Variants in TRIM66 observed in about 807,000 individuals in gnomAD.
The protein encoded by TRIM66 is tripartite motif containing 66, also known as tripartite motif-containing protein 66.
A neutral mutation model predicts 148.2 loss-of-function variants in TRIM66; 99 were observed. The observed-to-expected ratio is 0.67, with a 90% CI of 0.57 to 0.79. The LOEUF (loss-of-function observed/expected upper bound fraction) is 0.79. Ranked by LOEUF, TRIM66 falls within the 30% of genes least tolerant of loss-of-function variation. The pLI, the probability that TRIM66 is intolerant of heterozygous loss-of-function variation, is 0.00. For synonymous variants in TRIM66, 616 were observed against 635.9 expected (o/e 0.97, Z 0.47); for missense variants, 1,666 against 1,697.9 (o/e 0.98, Z 0.33).
At chr11:8,661,423 C>A (rs1474433479) in intron 6 of TRIM66, among the ~76,000 whole-genome samples, 1 of 152,374 alleles carries the variant, frequency 6.6e-6, no homozygotes, top group African/African-American at 2.4e-5. Flanking sequence ...CAGACCCTCA[C>A]TGACCGAGGT....
rs1304487861 is a variant in TRIM66 at position 8,616,281 on chromosome 11, A to G, written c.*1663T>C. The G allele has an allele frequency of 6.6e-6, 1 of 152,264 alleles. No individual in the cohort carries two copies. The highest frequency in any genetic ancestry group is 6.5e-5 in the Admixed American group (1 of 15,288). The allele number at this position is 152,264 out of a possible 1,614,324, so 9.4% of individuals were successfully genotyped here. On this transcript the variant is annotated 3_prime_UTR_variant, in exon 25 of 25. Coordinates refer to ENST00000646038, the MANE Select transcript of TRIM66 (RefSeq NM_001388022.1). Reference sequence around the variant, plus strand: ...AGGTTGGGTAGAGAAGGAAATGAGCAATACCATCAACTCACAAAGAGAGAA... The same window carrying G: ...AGGTTGGGTAGAGAAGGAAATGAGCGATACCATCAACTCACAAAGAGAGAA...
chr11:8,641,179 C>A, intron 13 of TRIM66, 27 bp from the exon 14 acceptor site: 1 of 1,526,574 alleles, frequency 6.6e-7, no homozygotes, highest in South Asian at 1.2e-5. Flanking sequence ...GAGAGTTTTT[C>A]AAAAGTTTTT....
chr11:8,623,207 G>A (rs976859961), intron 17 of TRIM66, among the ~76,000 whole-genome samples: 3 of 152,204 alleles, frequency 2.0e-5, no homozygotes, highest in African/African-American at 7.2e-5. Flanking sequence ...CACCAGTGTT[G>A]CCTCCTCTGA....
chr11:8,617,643 G>A lies in TRIM66; in HGVS notation c.*301C>T, dbSNP rs1275790053. The A allele has an allele frequency of 4.5e-5, 17 of 377,304 alleles. No individual in the cohort carries two copies. The highest frequency in any genetic ancestry group is 6.2e-5 in the Non-Finnish European group (13 of 211,130). 23.4% of individuals were successfully genotyped at this position (377,304 alleles called of 1,614,324 possible). A position where few individuals can be genotyped will look rare whatever the true frequency, so the allele number is the denominator to read the frequency against. ...CCCAGGCAGAAAAAAATTCACCAAG[G>A]AAAGTAGGTTTTCCCGAGCCTAACC... On this transcript the variant is annotated 3_prime_UTR_variant, in exon 25 of 25. Coordinates refer to ENST00000646038, the MANE Select transcript of TRIM66 (RefSeq NM_001388022.1).
rs1349305185 is a variant in TRIM66, at chr11:8,621,688, A to G, written c.3212T>C (p.Leu1071Pro). 1 of 1,550,428 alleles carries G rather than the reference A, an allele frequency of 6.4e-7. No homozygotes were observed. Among genetic ancestry groups the G allele is most frequent in the Non-Finnish European group, 8.7e-7 (1 of 1,146,488 alleles). ...GGACTCAGTGCCACACTCGATGATC[A>G]GCAGGAAGCTCCCATCCTGATCATT... ...QKNDQDGSFL[L>P]IIECGTESSS... is the part of the protein sequence containing the mutation. The change falls in exon 19 of 25, where the codon CTG (leucine) becomes CCG (proline). Residue 1071 changes from leucine (L) to proline (P), a missense_variant. Physicochemically the swap from Leu to Pro is moderately conservative, Grantham distance 98. Coordinates refer to ENST00000646038, the MANE Select transcript of TRIM66 (RefSeq NM_001388022.1).
At chr11:8,638,536 G>T (rs2036089490) in intron 15 of TRIM66, 118 bp downstream of exon 15, 4 of 1,133,198 alleles carry the variant, frequency 3.5e-6, no homozygotes, top group Non-Finnish European at 5.0e-6. Context: ...GGGCTGTGTA[G>T]CGTCCAGGGA....
chr11:8,621,245 G>T lies in TRIM66; in HGVS notation c.3332C>A (p.Ala1111Asp). Residue 1111 changes from alanine to aspartate, a missense_variant, in exon 20 of 25, where the codon GCT becomes GAT. Ala to Asp is a moderately radical substitution (Grantham distance 126). Transcript: ENST00000646038. ...EGRKVTVTSL[A>D]GQRPPEVEGT... ...CTCCACTTCTGGTGGCCGCTGCCCA[G>T]CCAAAGAAGTGACAGTGACCTTTCT... is the stretch of plus-strand genomic sequence containing the variant. The T allele has an allele frequency of 6.4e-7, 1 of 1,551,728 alleles. No individual in the cohort carries two copies. Among genetic ancestry groups the T allele is most frequent in the Non-Finnish European group, 8.7e-7 (1 of 1,146,992 alleles).
rs764157643 is a variant in TRIM66 at position 8,615,342 on chromosome 11, T to G, written c.*2602A>C. 2.6e-5 allele frequency: 4 copies of G among 152,194 alleles called. No homozygotes were observed. Among genetic ancestry groups the G allele is most frequent in the Non-Finnish European group, 4.4e-5 (3 of 68,036 alleles). 9.4% of individuals were successfully genotyped at this position (152,194 alleles called of 1,614,324 possible). A position where few individuals can be genotyped will look rare whatever the true frequency, so the allele number is the denominator to read the frequency against. On this transcript the variant is annotated 3_prime_UTR_variant, in exon 25 of 25. Transcript: ENST00000646038. ...TCAGCATACCCAAGAAGTCAATTTT[T>G]CCTCTAGGGCTGCATGCTGTCCCAT...
chr11:8,625,750 C>G (rs187791852), intron 15 of TRIM66, among the ~76,000 whole-genome samples: 1 of 152,172 alleles, frequency 6.6e-6, no homozygotes, highest in Non-Finnish European at 1.5e-5. Flanking sequence ...TGAGAAGGCT[C>G]AAACTCTTAT....
chr11:8,632,310 AAAATAAAT>A (rs1304707289), intron 15 of TRIM66, among the ~76,000 whole-genome samples: 1 of 152,142 alleles, frequency 6.6e-6, no homozygotes, highest in Non-Finnish European at 1.5e-5. Flanking sequence ...TTCATCTCAA[AAAATAAAT>A]AAATAAATAA....
chr11:8,618,100 G>T, intron 24 of TRIM66, 97 bp from the exon 25 acceptor site: 1 of 1,190,138 alleles, frequency 8.4e-7, no homozygotes, highest in Non-Finnish European at 1.2e-6. Context: ...CCAAGTCAAC[G>T]TATTTTATTC....
At chr11:8,657,017 C>T (rs1023236625) in intron 6 of TRIM66, among the ~76,000 whole-genome samples, 7 of 152,172 alleles carry the variant, frequency 4.6e-5, no homozygotes, top group Admixed American at 1.3e-4. Context: ...CTACCAAGAC[C>T]GCTGCTGGGA....
rs915193472 is a variant in TRIM66, at chr11:8,679,589, C to T, written c.-190+31G>A. ...CCAGCTCTAATACCACTGATGGTTC[C>T]CTTTCATTCCCAAGGCCCTGCCCAG... On this transcript the variant is annotated intron_variant, in intron 3 of 24. Transcript: ENST00000646038. 42 of 152,818 alleles carry T rather than the reference C, an allele frequency of 2.7e-4. 1 individual carries two copies. Among genetic ancestry groups the T allele is most frequent in the African/African-American group, 9.6e-4 (40 of 41,550 alleles). 9.5% of individuals were successfully genotyped at this position (152,818 alleles called of 1,614,324 possible).
chr11:8,634,426 C>T (rs1346535414), intron 15 of TRIM66, among the ~76,000 whole-genome samples: 3 of 152,214 alleles, frequency 2.0e-5, no homozygotes, highest in African/African-American at 7.2e-5. Context: ...GTCTTAGCCT[C>T]CCAAAGTGCT....
At chr11:8,624,280 G>T in intron 17 of TRIM66, 79 bp downstream of exon 17, 1 of 1,449,172 alleles carries the variant, frequency 6.9e-7, no homozygotes, top group Non-Finnish European at 9.3e-7. Context: ...CTTGTCTGCT[G>T]GCCTCTCTTA....
At chr11:8,621,590 G>A (rs1326434651) in intron 19 of TRIM66, 55 bp downstream of exon 19, 1 of 1,463,298 alleles carries the variant, frequency 6.8e-7, no homozygotes, top group Non-Finnish European at 9.0e-7. Context: ...GTAGCAGAAA[G>A]AATAAGCTCT....
chr11:8,641,127 T>C lies in TRIM66; in HGVS notation c.1248A>G (p.Gln416=), dbSNP rs2036353998. The C allele has an allele frequency of 1.3e-6, 2 of 1,551,084 alleles. No individual in the cohort carries two copies. The highest frequency in any genetic ancestry group is 2.7e-5 in the African/African-American group (2 of 73,024). ...SLGCITTEGG[Q]MSRADAPAYG... ...AAGCAGGAGCATCTGCCCTGGACAT[T>C]TGTCCACCTTCAGTAGTTATGCAGC... The change falls in exon 14 of 25, where the codon CAA becomes CAG. Residue 416 remains glutamine, a synonymous_variant. Transcript: ENST00000646038.
At chr11:8,648,639 G>T in intron 8 of TRIM66, 91 bp from the exon 9 acceptor site, 1 of 1,430,816 alleles carries the variant, frequency 7.0e-7, no homozygotes, top group African/African-American at 1.4e-5. Flanking sequence ...AGCCTTCAGA[G>T]GACACTGCAG....
chr11:8,625,512 G>C (rs1193539324), intron 15 of TRIM66, among the ~76,000 whole-genome samples: 2 of 127,394 alleles, frequency 1.6e-5, no homozygotes, highest in Admixed American at 8.1e-5. Flanking sequence ...AGAGTGAGAA[G>C]GAGAACTTAT....
Sources: allele counts gnomAD v4.1 joint callset (sites outside exome capture counted in the v4.1 genomes callset), GRCh38; gene constraint gnomAD v4.1.1; transcripts MANE v1.5; gene names NCBI Gene and HGNC (gene_info 2026-07-23, HGNC 2026-07-21).